The following EVI5 variants were observed in gnomAD, a reference collection of about 807,000 sequenced individuals.
The protein encoded by EVI5 is ecotropic viral integration site 5 protein homolog.
A neutral mutation model predicts 112.0 loss-of-function variants in EVI5; 73 were observed. The observed-to-expected ratio is 0.65, with a 90% CI of 0.54 to 0.79. EVI5 has a LOEUF of 0.79. EVI5 is among the 30% of genes least tolerant of loss of function. The pLI is 0.00. For synonymous variants in EVI5, 305 were observed against 319.9 expected (o/e 0.95, Z 0.50); for missense variants, 900 against 968.8 (o/e 0.93, Z 0.94).
chr1:92,585,435 G>A (rs1185414697), intron 18 of EVI5, among the ~76,000 whole-genome samples: 7 of 152,042 alleles, frequency 4.6e-5, no homozygotes, highest in East Asian at 1.9e-4. Flanking sequence ...GCTGTAGTAC[G>A]CTGTGATTGC....
In EVI5 at chr1:92,558,890, C is replaced by G. The variant is rs146089444; in HGVS notation, c.2166+4752G>C. Among the ~76,000 whole-genome samples, 86 of 150,824 alleles carry G rather than the reference C, an allele frequency of 5.7e-4. No homozygotes were observed. The East Asian group carries it at 0.01, about 18-fold the overall frequency. On this transcript the variant is annotated intron_variant, in intron 19 of 19. Transcript: ENST00000684568. ...ACAAAACAAAAAAACCCAAACAACA[C>G]CAACCAAAAAAACCCCTAACAACAA...
At chr1:92,605,597 A>G (rs1650207211) in intron 17 of EVI5, among the ~76,000 whole-genome samples, 195 bp from the exon 18 acceptor site, 1 of 152,228 alleles carries the variant, frequency 6.6e-6, no homozygotes. Flanking sequence ...AGTGGAATAA[A>G]TAACAATTAT....
intron 19 of EVI5, among the ~76,000 whole-genome samples, chr1:92,549,866 T>C (rs1010233808): frequency 2.0e-5 from 3 of 152,116 alleles, no homozygotes; most frequent in Admixed American, 1.3e-4. Context: ...CTGGAGAGGA[T>C]GTGGAGAAAT....
chr1:92,615,709 T>C (rs562292720), intron 16 of EVI5, among the ~76,000 whole-genome samples: 1 of 152,228 alleles, frequency 6.6e-6, no homozygotes, highest in South Asian at 2.1e-4. Context: ...CCTGAGGCAG[T>C]TGCCAGGGAA....
intron 13 of EVI5, among the ~76,000 whole-genome samples, chr1:92,640,626 A>G (rs1291512375): frequency 6.6e-6 from 1 of 152,212 alleles, no homozygotes; most frequent in Non-Finnish European, 1.5e-5. Context: ...GAGGCTGCGG[A>G]CAGATAGGAA....
At chr1:92,611,563 G>A (rs983468893) in intron 16 of EVI5, among the ~76,000 whole-genome samples, 20 of 151,430 alleles carry the variant, frequency 1.3e-4, no homozygotes, top group South Asian at 4.2e-4. Flanking sequence ...TTAGCCAGGC[G>A]TGATGGCGGG....
intron 18 of EVI5, among the ~76,000 whole-genome samples, chr1:92,595,165 C>T (rs1647383059): frequency 6.6e-6 from 1 of 151,264 alleles, no homozygotes; most frequent in Non-Finnish European, 1.5e-5. Context: ...GGAACCAACC[C>T]AAATGTCCAA....
chr1:92,571,501 G>A (rs982534259), intron 18 of EVI5, among the ~76,000 whole-genome samples: 4 of 152,042 alleles, frequency 2.6e-5, no homozygotes, highest in African/African-American at 9.7e-5. Flanking sequence ...TCAAAAGTCT[G>A]TGATTTTTAT....
chr1:92,750,764 G>A (rs1680052072), intron 1 of EVI5, among the ~76,000 whole-genome samples: 1 of 152,036 alleles, frequency 6.6e-6, no homozygotes, highest in East Asian at 1.9e-4. Context: ...TGTGAAAAAG[G>A]TCAATTAGTT....
chr1:92,600,448 T>A (rs1648901717), intron 18 of EVI5, among the ~76,000 whole-genome samples: 1 of 152,190 alleles, frequency 6.6e-6, no homozygotes, highest in Non-Finnish European at 1.5e-5. Flanking sequence ...AATTTTTAAA[T>A]TATTAAACCA....
intron 2 of EVI5, among the ~76,000 whole-genome samples, chr1:92,727,985 C>A (rs1165383991): frequency 3.4e-5 from 5 of 147,222 alleles, no homozygotes; most frequent in South Asian, 2.1e-4. Context: ...CAGAGTGCGA[C>A]CCTGTCTCAA....
At chr1:92,585,446 A>G (rs1342335179) in intron 18 of EVI5, among the ~76,000 whole-genome samples, 1 of 152,116 alleles carries the variant, frequency 6.6e-6, no homozygotes, top group African/African-American at 2.4e-5. Flanking sequence ...CTGTGATTGC[A>G]CCACTGAACT....
intron 16 of EVI5, among the ~76,000 whole-genome samples, chr1:92,619,155 C>G (rs1388556715): frequency 1.3e-5 from 2 of 152,020 alleles, no homozygotes; most frequent in Non-Finnish European, 2.9e-5. Flanking sequence ...GAGGGTGTTG[C>G]CAAAAGAGAT....
At chr1:92,575,039 A>T (rs181469057) in intron 18 of EVI5, among the ~76,000 whole-genome samples, 1 of 152,304 alleles carries the variant, frequency 6.6e-6, no homozygotes, top group East Asian at 1.9e-4. Flanking sequence ...TGCATAACTG[A>T]AGTAGTAGAA....
At chr1:92,735,310 G>C (rs1051521406) in intron 2 of EVI5, among the ~76,000 whole-genome samples, 3 of 151,984 alleles carry the variant, frequency 2.0e-5, no homozygotes, top group African/African-American at 7.2e-5. Context: ...ACTACATACT[G>C]TATGATTCCA....
chr1:92,546,734 G>A lies in EVI5; in HGVS notation c.2166+16908C>T, dbSNP rs1665780504. On this transcript the variant is annotated intron_variant, in intron 19 of 19. Transcript: ENST00000684568. Reference sequence around the variant, plus strand: ...AAATAACAGACTTTAAACCAACAAAGATCAAAAGAGACAAAGAAGGCCATT... The same window carrying A: ...AAATAACAGACTTTAAACCAACAAAAATCAAAAGAGACAAAGAAGGCCATT... Among the ~76,000 whole-genome samples, 9 of 152,000 alleles carry A rather than the reference G, an allele frequency of 5.9e-5. No homozygotes were observed. In the South Asian group the frequency reaches 1.9e-3, roughly 32 times the overall value.
intron 18 of EVI5, among the ~76,000 whole-genome samples, chr1:92,586,850 C>T (rs1672886144): frequency 6.6e-6 from 1 of 151,742 alleles, no homozygotes; most frequent in Non-Finnish European, 1.5e-5. Flanking sequence ...CAGAATCAGC[C>T]ATTTCTGTGA....
intron 2 of EVI5, among the ~76,000 whole-genome samples, chr1:92,719,439 C>T (rs1328098858): frequency 1.3e-5 from 2 of 151,464 alleles, no homozygotes; most frequent in East Asian, 3.9e-4. Flanking sequence ...GAACCAACGA[C>T]AAAAACCACA....
chr1:92,545,425 A>C (rs1286923122), intron 19 of EVI5, among the ~76,000 whole-genome samples: 1 of 152,014 alleles, frequency 6.6e-6, no homozygotes, highest in Non-Finnish European at 1.5e-5. Context: ...AAAAAAAAAA[A>C]AAAGGTTTTT....
Sources: gnomAD v4.1 joint callset for allele counts (sites outside exome capture counted in the v4.1 genomes callset) on GRCh38, gnomAD v4.1.1 for gene constraint, MANE v1.5 for transcripts, NCBI Gene and HGNC (gene_info 2026-07-23, HGNC 2026-07-21) for gene names.